Variants in TACC2 observed in about 807,000 individuals in gnomAD.
TACC2 encodes transforming acidic coiled-coil-containing protein 2.
In TACC2, 137 loss-of-function variants were observed where a neutral mutation model predicts 227.3. That is an observed-to-expected ratio of 0.60 (90% CI 0.52 to 0.69). TACC2 has a LOEUF of 0.69. TACC2 is among the 30% of genes least tolerant of loss of function. The pLI is 0.00. For synonymous variants in TACC2, 1,523 were observed against 1,487.5 expected, an observed-to-expected ratio of 1.02 and a Z score of -0.55; for missense variants, 3,470 against 3,694.4, an observed-to-expected ratio of 0.94 and a Z score of 1.57.
At chr10:122,204,935 C>G (rs1593317308) in intron 8 of TACC2, among the ~76,000 whole-genome samples, 1 of 152,122 alleles carries the variant, frequency 6.6e-6, no homozygotes. Flanking sequence ...GTGGGGCTGT[C>G]ACTCCAACAG....
rs554116886 is a variant in TACC2 at position 122,210,921 on chromosome 10, G to T, written c.6496G>T (p.Gly2166Trp). 2 of 1,613,852 alleles carry T rather than the reference G, an allele frequency of 1.2e-6. No homozygotes were observed. The highest frequency in any genetic ancestry group is 1.7e-6 in the Non-Finnish European group (2 of 1,179,982). Residue 2166 changes from glycine to tryptophan, a missense_variant, in exon 9 of 23, where the codon GGG becomes TGG. By Grantham distance (184) the Gly-to-Trp change is radical (BLOSUM62 -2). Around this residue, in one of 10 missense-constraint regions of TACC2, gnomAD observed 593 missense variants for 636.6 expected, o/e 0.93. Transcript: ENST00000369005. The surrounding 1 kb of genome is among the most constrained non-coding windows in gnomAD (Gnocchi z 4.6). ...EPDEESLVPS[G>W]ENLASETKTE... ...AGATGAAGAGAGCCTTGTCCCCAGT[G>T]GGGAGAATCTAGCATCTGAGACGAA... is the stretch of plus-strand genomic sequence containing the variant.
intron 5 of TACC2, among the ~76,000 whole-genome samples, chr10:122,112,663 T>G (rs1187807193): frequency 6.6e-6 from 1 of 152,096 alleles, no homozygotes; most frequent in Non-Finnish European, 1.5e-5. Flanking sequence ...ACCTTCCCAG[T>G]CCGTTCTCAC....
chr10:122,216,314 C>T (rs1275650121), intron 10 of TACC2, among the ~76,000 whole-genome samples: 1 of 152,098 alleles, frequency 6.6e-6, no homozygotes, highest in Non-Finnish European at 1.5e-5. Flanking sequence ...ACTGTGTGAG[C>T]CTCGCACAGC....
intron 1 of TACC2, among the ~76,000 whole-genome samples, chr10:122,003,791 G>T (rs998084386): frequency 6.6e-6 from 1 of 151,976 alleles, no homozygotes; most frequent in Non-Finnish European, 1.5e-5. Context: ...AAATGGCTGG[G>T]ACTACAGGTG....
At chr10:122,118,550 C>G (rs1017181335) in intron 5 of TACC2, among the ~76,000 whole-genome samples, 2 of 152,220 alleles carry the variant, frequency 1.3e-5, no homozygotes, top group African/African-American at 4.8e-5. Flanking sequence ...ATCGTCTCCT[C>G]TCTTGAACTA....
chr10:122,086,652 A>C lies in TACC2; in HGVS notation c.4152A>C (p.Pro1384=). ...GGATGGGAGAGCCTTCCCAGGACCC[A>C]AAGCAGGGCACATCAGGTGGTGTGG... ...MERMGEPSQD[P]KQGTSGGVDT... is the part of the protein sequence containing the mutation. The change falls in exon 4 of 23, where the codon CCA becomes CCC. Residue 1384 remains proline (P), a synonymous_variant. Coordinates refer to ENST00000369005, the MANE Select transcript of TACC2 (RefSeq NM_206862.4). 1 of 1,608,610 alleles carries C rather than the reference A, an allele frequency of 6.2e-7. No individual in the cohort carries two copies. Among genetic ancestry groups the C allele is most frequent in the Non-Finnish European group, 8.5e-7 (1 of 1,177,170 alleles).
intron 7 of TACC2, among the ~76,000 whole-genome samples, chr10:122,146,496 GCTGGGATAT>G (rs1469000081): frequency 6.6e-6 from 1 of 151,948 alleles, no homozygotes; most frequent in East Asian, 1.9e-4. Context: ...TTAATGGATT[GCTGGGATAT>G]CATGGGAGTG....
intron 7 of TACC2, among the ~76,000 whole-genome samples, chr10:122,178,419 T>G (rs1368034876): frequency 6.6e-6 from 1 of 152,048 alleles, no homozygotes; most frequent in Admixed American, 6.5e-5. Flanking sequence ...GTATTTTTAG[T>G]AGAGGCAAGG....
chr10:122,061,185 C>T (rs1429705329), intron 3 of TACC2, among the ~76,000 whole-genome samples: 6 of 145,298 alleles, frequency 4.1e-5, no homozygotes, highest in Non-Finnish European at 1.5e-5. Context: ...GTGGCAGGTG[C>T]CTGTAGTCCC....
intron 1 of TACC2, among the ~76,000 whole-genome samples, chr10:122,021,327 A>G (rs560723756): frequency 6.6e-6 from 1 of 152,280 alleles, no homozygotes; most frequent in African/African-American, 2.4e-5. Context: ...ATGCTGCCTT[A>G]CATGATCTCG....
intron 22 of TACC2, among the ~76,000 whole-genome samples, chr10:122,250,777 G>T (rs898559744): frequency 6.6e-6 from 1 of 152,098 alleles, no homozygotes; most frequent in Non-Finnish European, 1.5e-5. Context: ...AAAATTAGAA[G>T]CCTGTATCGT....
At chr10:122,108,241 T>C (rs913898670) in intron 5 of TACC2, among the ~76,000 whole-genome samples, 6 of 152,086 alleles carry the variant, frequency 3.9e-5, no homozygotes, top group Admixed American at 6.5e-5. Context: ...CTCCCACTTA[T>C]GAATGAGAAC....
At chr10:122,164,080 G>C in intron 7 of TACC2, 4 of 1,476,206 alleles carry the variant, frequency 2.7e-6, no homozygotes, top group Non-Finnish European at 2.8e-6. Context: ...CCTAATGCCT[G>C]TGCAACCTGG....
chr10:122,147,713 T>A (rs928031641), intron 7 of TACC2, among the ~76,000 whole-genome samples: 3 of 152,272 alleles, frequency 2.0e-5, no homozygotes, highest in Non-Finnish European at 2.9e-5. Flanking sequence ...GCTCCAATTG[T>A]AGCAGCTTTG....
rs117865117 is a variant in TACC2 at position 122,157,004 on chromosome 10, C to G, written c.5834+13298C>G. On this transcript the variant is annotated intron_variant, in intron 7 of 22. Transcript: ENST00000369005. ...GCACACGTCTGTGGTCCCAGCTAAT[C>G]AGGAGACTAAGGCGGGAGGATCACT... Among the ~76,000 whole-genome samples the G allele has an allele frequency of 6.8e-3, 1,026 of 151,996 alleles. 31 individuals carry two copies. The East Asian group carries it at 0.092, about 14-fold the overall frequency.
rs780998441 is a variant in TACC2 at position 122,229,374 on chromosome 10, C to T, written c.7925C>T (p.Ala2642Val). The change falls in exon 15 of 23, where the codon GCT (alanine) becomes GTT (valine). Residue 2642 changes from alanine to valine, a missense_variant. This residue lies in a region of TACC2 where 345 missense variants were observed against 354.4 expected (regional missense o/e 0.97). Coordinates refer to ENST00000369005, the MANE Select transcript of TACC2 (RefSeq NM_206862.4). Reference sequence around the variant, plus strand: ...GCTCCCGAGGGCTCCTTTGCCTCTGCTGACGCCCTCCTCAGCAGGCTAGCT... The same window carrying T: ...GCTCCCGAGGGCTCCTTTGCCTCTGTTGACGCCCTCCTCAGCAGGCTAGCT... ...ITAPEGSFAS[A>V]DALLSRLAHP... The T allele has an allele frequency of 8.1e-6, 13 of 1,613,948 alleles. 1 individual carries two copies. The highest frequency in any genetic ancestry group is 9.3e-6 in the Non-Finnish European group (11 of 1,180,026).
rs150511831 is a variant in TACC2, at chr10:122,227,998, C to T, written c.7886C>T (p.Ala2629Val). 21 of 1,612,506 alleles carry T rather than the reference C, an allele frequency of 1.3e-5. No individual in the cohort carries two copies. In the Admixed American group the frequency reaches 1.5e-4, roughly 12 times the overall value. ...EAMGLGTPSE[A>V]IEITAPEGSF... ...ATGGGCTTGGGCACCCCTTCAGAAG[C>T]GATTGAAATTGTAAGTGGAGTTGGA... Residue 2629 changes from alanine to valine, a missense_variant, in exon 14 of 23, where the codon GCG becomes GTG. Ala to Val is a moderately conservative substitution (Grantham distance 64, BLOSUM62 0). This residue lies in a region of TACC2 where 345 missense variants were observed against 354.4 expected (regional missense o/e 0.97). Transcript: ENST00000369005.
At chr10:122,072,764 CCATCA>C (rs1460803815) in intron 3 of TACC2, among the ~76,000 whole-genome samples, 1 of 152,046 alleles carries the variant, frequency 6.6e-6, no homozygotes, top group African/African-American at 2.4e-5. Context: ...TTTATGTATG[CCATCA>C]TTCAGTCACT....
At chr10:122,118,714 ACAC>A (rs1305635633) in intron 5 of TACC2, among the ~76,000 whole-genome samples, 1 of 152,130 alleles carries the variant, frequency 6.6e-6, no homozygotes, top group Admixed American at 6.6e-5. Flanking sequence ...ATTTTTTTAA[ACAC>A]CAACTAAAAT....
Sources: gnomAD v4.1 joint callset for allele counts (sites outside exome capture counted in the v4.1 genomes callset) on GRCh38, gnomAD v4.1.1 for gene constraint, gnomAD v4.1.1 regional missense constraint, Gnocchi (gnomAD v3.1) non-coding constraint, MANE v1.5 for transcripts, NCBI Gene and HGNC (gene_info 2026-07-23, HGNC 2026-07-21) for gene names.